Variants in ARID1B observed in about 807,000 individuals in gnomAD.
ARID1B encodes the protein AT-rich interactive domain-containing protein 1B.
Under a neutral mutation model 212.3 loss-of-function variants are expected in ARID1B, and 30 were observed. The ratio of observed to expected loss-of-function variants is 0.14; its 90% confidence interval spans 0.11 to 0.19. The LOEUF (loss-of-function observed/expected upper bound fraction) is 0.19, where lower values mean the gene tolerates loss of function less well. Among genes scored for constraint, ARID1B ranks in the 10% least tolerant of loss-of-function variants. ARID1B has a pLI of 1.00. For missense variants in ARID1B, 2,891 were observed against 3,204.0 expected (o/e 0.90, Z 2.36); for synonymous variants, 1,402 against 1,301.7 (o/e 1.08, Z -1.66).
chr6:157,019,683 T>G (rs1392363901), intron 4 of ARID1B, among the ~76,000 whole-genome samples: 3 of 152,200 alleles, frequency 2.0e-5, no homozygotes, highest in Non-Finnish European at 4.4e-5. Flanking sequence ...TCGTCCTTTG[T>G]GATGCCTTTT....
chr6:157,000,391 C>G (rs1235383980), intron 4 of ARID1B, among the ~76,000 whole-genome samples: 1 of 152,170 alleles, frequency 6.6e-6, no homozygotes. Flanking sequence ...ATATCTATTT[C>G]TTTGTGATGG....
chr6:156,872,147 A>G (rs1253790721), intron 2 of ARID1B, among the ~76,000 whole-genome samples: 1 of 152,214 alleles, frequency 6.6e-6, no homozygotes, highest in Non-Finnish European at 1.5e-5. Flanking sequence ...TGAGCAAGTT[A>G]CTTAAATCGT....
intron 3 of ARID1B, among the ~76,000 whole-genome samples, chr6:156,920,233 C>G (rs528761058): frequency 6.6e-6 from 1 of 152,246 alleles, no homozygotes; most frequent in South Asian, 2.1e-4. Flanking sequence ...TCTCTGATAC[C>G]CTGCTCCTGC....
chr6:156,928,474 G>A (rs141431092), intron 3 of ARID1B, among the ~76,000 whole-genome samples: 20 of 152,292 alleles, frequency 1.3e-4, no homozygotes, highest in African/African-American at 4.6e-4. Context: ...GGTCTGTGGG[G>A]TCATTTGGGA....
chr6:157,157,655 AAG>A (rs1790662199), intron 8 of ARID1B, among the ~76,000 whole-genome samples: 1 of 152,224 alleles, frequency 6.6e-6, no homozygotes, highest in Admixed American at 6.5e-5. Flanking sequence ...GCAACTCACT[AAG>A]ATGCTAAGAT....
At chr6:156,813,003 C>CAT (rs1214044762) in intron 1 of ARID1B, among the ~76,000 whole-genome samples, 25 of 119,426 alleles carry the variant, frequency 2.1e-4, no homozygotes, top group African/African-American at 5.7e-4. Context: ...TATGTATATA[C>CAT]ATATATATAC....
At chr6:156,905,283 G>C (rs1326133870) in intron 3 of ARID1B, among the ~76,000 whole-genome samples, 1 of 76,732 alleles carries the variant, frequency 1.3e-5, no homozygotes, top group African/African-American at 7.6e-5. Flanking sequence ...CACACACACA[G>C]ATTTATTATA....
At chr6:156,859,037 T>G (rs72998919) in intron 2 of ARID1B, among the ~76,000 whole-genome samples, 14 of 152,310 alleles carry the variant, frequency 9.2e-5, no homozygotes, top group Non-Finnish European at 1.5e-4. Flanking sequence ...GATTAATTTT[T>G]TAAATGATTA....
At chr6:157,082,996 A>T (rs554197578) in intron 4 of ARID1B, among the ~76,000 whole-genome samples, 1 of 152,324 alleles carries the variant, frequency 6.6e-6, no homozygotes, top group South Asian at 2.1e-4. Flanking sequence ...GATAAACTAA[A>T]CTATCCAGGG....
chr6:157,180,019 G>T (rs532660846), intron 11 of ARID1B, among the ~76,000 whole-genome samples: 34 of 152,250 alleles, frequency 2.2e-4, no homozygotes, highest in Non-Finnish European at 3.8e-4. Context: ...ATTGTTCCAA[G>T]AAATCTTTAT....
At chr6:156,978,390 C>T (rs4869904) in intron 4 of ARID1B, among the ~76,000 whole-genome samples, 41,069 of 152,086 alleles carry the variant, frequency 0.27, 6,641 homozygotes, top group African/African-American at 0.44. Flanking sequence ...ATTTTTATTT[C>T]TATTTTTTAA....
rs554716458 is a variant in ARID1B at position 157,008,953 on chromosome 6, A to G, written c.2247+73377A>G. Among the ~76,000 whole-genome samples the G allele has an allele frequency of 6.6e-5, 10 of 152,310 alleles. No individual in the cohort carries two copies. In the East Asian group the frequency reaches 1.9e-3, roughly 29 times the overall value. ...ATGTTTGGGCTTCCTTTAAGAATAT[A>G]GTTTAGTTACAGACAATCTCGAAGA... On this transcript the variant is annotated intron_variant, in intron 4 of 19. Coordinates refer to ENST00000636930, the MANE Select transcript of ARID1B (RefSeq NM_001374828.1).
At chr6:157,035,159 T>G (rs926665019) in intron 4 of ARID1B, among the ~76,000 whole-genome samples, 7 of 152,256 alleles carry the variant, frequency 4.6e-5, no homozygotes, top group African/African-American at 1.4e-4. Context: ...TATTTGCTAT[T>G]GAATTTTCTT....
In ARID1B at chr6:157,209,101, A is replaced by G. The variant is rs565319277; in HGVS notation, c.*1210A>G. ...AAAGATTTTTCAGTGATGAGAATCC[A>G]CATTTGTATTTCAAGATAATGTAGT... On this transcript the variant is annotated 3_prime_UTR_variant, in exon 20 of 20. Coordinates refer to ENST00000636930, the MANE Select transcript of ARID1B (RefSeq NM_001374828.1). 4.3e-6 allele frequency: 1 copy of G among 230,474 alleles called. No individual in the cohort carries two copies. The highest frequency in any genetic ancestry group is 2.2e-5 in the African/African-American group (1 of 45,304). The allele number at this position is 230,474 out of a possible 1,614,324, so 14.3% of individuals were successfully genotyped here.
intron 4 of ARID1B, chr6:156,938,544 G>A (rs1792435440): frequency 6.6e-6 from 1 of 152,170 alleles, no homozygotes; most frequent in Non-Finnish European, 1.5e-5. Context: ...TACCATTTAT[G>A]AAATGCAACA....
chr6:157,030,171 G>T (rs1780937211), intron 4 of ARID1B: 1 of 152,800 alleles, frequency 6.5e-6, no homozygotes, highest in Non-Finnish European at 1.5e-5. Flanking sequence ...CTGCTAAGTG[G>T]CTCTGCTTCT....
chr6:156,973,596 A>G (rs146345069), intron 4 of ARID1B, among the ~76,000 whole-genome samples: 132 of 152,326 alleles, frequency 8.7e-4, no homozygotes, highest in African/African-American at 3.1e-3. Flanking sequence ...TCCATATCAG[A>G]TGGGAGTTGG....
Position 156,784,236 on chromosome 6 carries a change from C to T in ARID1B, c.1791+4765C>T, listed in dbSNP as rs149997448. Reference sequence around the variant, plus strand: ...TCTCTGTGGATATGTAAAGTAGTGCCGCACGCTTGCTGTGTGTGCTTGCTT... The same window carrying T: ...TCTCTGTGGATATGTAAAGTAGTGCTGCACGCTTGCTGTGTGTGCTTGCTT... On this transcript the variant is annotated intron_variant, in intron 1 of 19. Transcript: ENST00000636930. Among the ~76,000 whole-genome samples, 374 of 151,992 alleles carry T rather than the reference C, an allele frequency of 2.5e-3. 6 individuals are homozygous for T. Among genetic ancestry groups the T allele is most frequent in the East Asian group, 1.7e-3 (9 of 5,182 alleles).
At chr6:157,155,377 T>G (rs1378972867) in intron 8 of ARID1B, among the ~76,000 whole-genome samples, 1 of 152,064 alleles carries the variant, frequency 6.6e-6, no homozygotes, top group Non-Finnish European at 1.5e-5. Flanking sequence ...CACACCTACA[T>G]GATGCTGGTA....
Sources: allele counts gnomAD v4.1 joint callset (sites outside exome capture counted in the v4.1 genomes callset), GRCh38; gene constraint gnomAD v4.1.1; transcripts MANE v1.5; gene names NCBI Gene and HGNC (gene_info 2026-07-23, HGNC 2026-07-21).